GRIK4: variants seen among roughly 807,000 people sequenced by gnomAD.
GRIK4 encodes the protein glutamate ionotropic receptor kainate type subunit 4, also known as glutamate receptor ionotropic, kainate 4.
In GRIK4, 40 loss-of-function variants were observed where a neutral mutation model predicts 104.9. The ratio of observed to expected loss-of-function variants is 0.38; its 90% CI spans 0.30 to 0.50. The LOEUF is 0.50. Ranked by LOEUF, GRIK4 falls within the 20% of genes least tolerant of loss-of-function variation. The pLI is 0.93. For missense variants in GRIK4, 1,047 were observed against 1,308.1 expected, an observed-to-expected ratio of 0.80 and a Z score of 3.08; for synonymous variants, 485 against 524.9, an observed-to-expected ratio of 0.92 and a Z score of 1.04.
At chr11:120,653,995 G>A (rs887021937) in intron 2 of GRIK4, among the ~76,000 whole-genome samples, 1 of 152,146 alleles carries the variant, frequency 6.6e-6, no homozygotes, top group Non-Finnish European at 1.5e-5. Flanking sequence ...AATAGATGGG[G>A]AATTTCTGTT....
chr11:120,950,467 C>T (rs1044892638), intron 14 of GRIK4, among the ~76,000 whole-genome samples: 3 of 152,134 alleles, frequency 2.0e-5, no homozygotes, highest in Non-Finnish European at 4.4e-5. Context: ...TGACATTGAG[C>T]ATCTAATGGG....
intron 7 of GRIK4, among the ~76,000 whole-genome samples, chr11:120,834,038 A>G (rs563816227): frequency 3.5e-4 from 53 of 152,308 alleles, no homozygotes; most frequent in African/African-American, 1.3e-3. Context: ...TGAGGTGCAC[A>G]TCTTTGTACA....
chr11:120,561,265 C>T (rs1948234811), intron 1 of GRIK4, among the ~76,000 whole-genome samples: 1 of 152,114 alleles, frequency 6.6e-6, no homozygotes, highest in Non-Finnish European at 1.5e-5. Context: ...GGTCATCAGC[C>T]CGGCTGACTT....
chr11:120,588,879 T>C (rs1319056906), intron 1 of GRIK4, among the ~76,000 whole-genome samples: 1 of 152,146 alleles, frequency 6.6e-6, no homozygotes, highest in Non-Finnish European at 1.5e-5. Context: ...TGTCTCCAGT[T>C]GAGAACTGTC....
At chr11:120,869,505 A>C (rs1954534244) in intron 9 of GRIK4, 1 of 152,320 alleles carries the variant, frequency 6.6e-6, no homozygotes, top group Non-Finnish European at 1.5e-5. Context: ...CCATGGAATT[A>C]GAGATGCCAA....
At chr11:120,808,260 A>G (rs78075155) in intron 4 of GRIK4, among the ~76,000 whole-genome samples, 475 of 152,300 alleles carry the variant, frequency 3.1e-3, no homozygotes, top group African/African-American at 0.011. Flanking sequence ...CTTCTCTCCT[A>G]TGTCTCACAG....
intron 3 of GRIK4, among the ~76,000 whole-genome samples, chr11:120,710,318 A>G (rs1033089539): frequency 2.0e-5 from 3 of 152,208 alleles, no homozygotes; most frequent in African/African-American, 7.2e-5. Flanking sequence ...AGCTGAGATG[A>G]GCTGGGCCGA....
At position 120,892,389 on chromosome 11, in the gene GRIK4, G is replaced by C. The variant is rs77731255; in HGVS notation, c.1165-6143G>C. On this transcript the variant is annotated intron_variant, in intron 11 of 20. Coordinates refer to ENST00000527524, the MANE Select transcript of GRIK4 (RefSeq NM_014619.5). ...CGTGTATGTGAGATTTGGTAGTGAC[G>C]ACTGGCTGCTGCTGTGTGAAGAACA... 3.9e-5 allele frequency among the ~76,000 whole-genome samples: 6 copies of C among 152,168 alleles called. No individual in the cohort carries two copies. The South Asian group carries it at 1.2e-3, about 32-fold the overall frequency.
At chr11:120,553,401 A>G (rs1282182746) in intron 1 of GRIK4, among the ~76,000 whole-genome samples, 1 of 152,206 alleles carries the variant, frequency 6.6e-6, no homozygotes, top group Non-Finnish European at 1.5e-5. Context: ...GCTGGGATCT[A>G]TCATTCCAAA....
At chr11:120,628,839 A>C (rs1211665182) in intron 1 of GRIK4, among the ~76,000 whole-genome samples, 3 of 152,144 alleles carry the variant, frequency 2.0e-5, no homozygotes, top group African/African-American at 7.2e-5. Context: ...TGAAGTAAAG[A>C]GGGTTTCAGG....
At chr11:120,714,212 T>C (rs1320095024) in intron 3 of GRIK4, among the ~76,000 whole-genome samples, 1 of 152,254 alleles carries the variant, frequency 6.6e-6, no homozygotes, top group African/African-American at 2.4e-5. Context: ...ACTTTAATAA[T>C]GTCGGGAATT....
intron 8 of GRIK4, among the ~76,000 whole-genome samples, chr11:120,856,941 C>T (rs952849729): frequency 3.3e-5 from 5 of 152,282 alleles, no homozygotes; most frequent in Admixed American, 2.6e-4. Flanking sequence ...GCCCTGCTTC[C>T]CCTAGACCTC....
chr11:120,939,253 A>C lies in GRIK4; in HGVS notation c.1477-1094A>C, dbSNP rs1943665957. Among the ~76,000 whole-genome samples, 1 of 152,244 alleles carries C rather than the reference A, an allele frequency of 6.6e-6. No homozygotes were observed. The highest frequency in any genetic ancestry group is 1.5e-5 in the Non-Finnish European group (1 of 68,044). On this transcript the variant is annotated intron_variant, in intron 13 of 20. Transcript: ENST00000527524. This position sits in a 1 kb window ranked among gnomAD's most constrained non-coding sequence, Gnocchi z 5.6. Reference sequence around the variant, plus strand: ...CATAGAAGAGTATGAGGAAGTCTACATCTTTCCCAGAAGGGTTTAATTCAG... The same window carrying C: ...CATAGAAGAGTATGAGGAAGTCTACCTCTTTCCCAGAAGGGTTTAATTCAG...
rs1565532690 is a variant in GRIK4, at chr11:120,511,766, G to C, written c.-280G>C. On this transcript the variant is annotated 5_prime_UTR_variant, in exon 1 of 21. Coordinates refer to ENST00000527524, the MANE Select transcript of GRIK4 (RefSeq NM_014619.5). ...CGGACACAGACTGCCTTCAGCTGCG[G>C]GCGGATCGGGCTGGAGCCGCCACGG... 3 of 340,100 alleles carry C rather than the reference G, an allele frequency of 8.8e-6. No individual in the cohort carries two copies. The highest frequency in any genetic ancestry group is 1.8e-5 in the Non-Finnish European group (3 of 167,522). The allele number at this position is 340,100 out of a possible 1,614,324, so 21.1% of individuals were successfully genotyped here.
rs144269531 is a variant in GRIK4 at position 120,572,098 on chromosome 11, T to C, written c.-159+60211T>C. Among the ~76,000 whole-genome samples, 74 of 152,314 alleles carry C rather than the reference T, an allele frequency of 4.9e-4. 1 individual carries two copies. In the Middle Eastern group the frequency reaches 0.01, roughly 21 times the overall value. ...CAGGGTCTGAAGAAGGCCCCCTTCC[T>C]GGATTGCAGATGGCCATCTTCCTGT... is the stretch of plus-strand genomic sequence containing the variant. On this transcript the variant is annotated intron_variant, in intron 1 of 20. Coordinates refer to ENST00000527524, the MANE Select transcript of GRIK4 (RefSeq NM_014619.5).
chr11:120,812,066 G>A (rs1952840403), intron 4 of GRIK4, among the ~76,000 whole-genome samples: 1 of 152,208 alleles, frequency 6.6e-6, no homozygotes, highest in Admixed American at 6.5e-5. Flanking sequence ...CCTGGAGACA[G>A]AGAGACTCCC....
intron 1 of GRIK4, among the ~76,000 whole-genome samples, chr11:120,600,609 T>C (rs1591727509): frequency 6.6e-6 from 1 of 151,976 alleles, no homozygotes; most frequent in Non-Finnish European, 1.5e-5. Context: ...GAGGCAGGGG[T>C]CTGGGGACCC....
chr11:120,511,964 T>G (rs568410458), intron 1 of GRIK4, 77 bp downstream of exon 1: 11,124 of 110,880 alleles, frequency 0.1, 696 homozygotes, highest in African/African-American at 0.19. Flanking sequence ...CCCTCCGCGC[T>G]GGCCCTTCCC....
intron 1 of GRIK4, among the ~76,000 whole-genome samples, chr11:120,644,302 G>T (rs1414943571): frequency 2.0e-5 from 3 of 152,148 alleles, no homozygotes; most frequent in African/African-American, 7.2e-5. Flanking sequence ...AAGCAGCAGA[G>T]CTGTTTGCTT....
Sources: gnomAD v4.1 joint callset for allele counts (sites outside exome capture counted in the v4.1 genomes callset) on GRCh38, gnomAD v4.1.1 for gene constraint, Gnocchi (gnomAD v3.1) non-coding constraint, MANE v1.5 for transcripts, NCBI Gene and HGNC (gene_info 2026-07-23, HGNC 2026-07-21) for gene names.